GRM8: variants seen among roughly 807,000 people sequenced by gnomAD.
The protein encoded by GRM8 is glutamate metabotropic receptor 8.
Under a neutral mutation model 87.2 loss-of-function variants are expected in GRM8, and 47 were observed. That is an observed-to-expected ratio of 0.54 (90% CI 0.43 to 0.69). GRM8 has a LOEUF of 0.69. GRM8 is among the 30% of genes least tolerant of loss of function. The pLI is 0.00. For synonymous variants in GRM8, 396 were observed against 404.5 expected, an observed-to-expected ratio of 0.98 and a Z score of 0.25; for missense variants, 1,019 against 1,139.2, an observed-to-expected ratio of 0.89 and a Z score of 1.52.
intron 9 of GRM8, among the ~76,000 whole-genome samples, chr7:126,457,077 CTG>C (rs1584674227): frequency 6.6e-6 from 1 of 150,790 alleles, no homozygotes; most frequent in Non-Finnish European, 1.5e-5. Context: ...GTGTGTGTGC[CTG>C]TGTGTGTGTG....
intron 3 of GRM8, among the ~76,000 whole-genome samples, chr7:126,945,063 G>A (rs1340994189): frequency 6.6e-6 from 1 of 152,098 alleles, no homozygotes; most frequent in Admixed American, 6.6e-5. Context: ...AAAATATCTA[G>A]TAAAGGTGAA....
At chr7:127,138,325 A>G (rs560304119) in intron 2 of GRM8, among the ~76,000 whole-genome samples, 1 of 152,204 alleles carries the variant, frequency 6.6e-6, no homozygotes, top group Admixed American at 6.5e-5. Flanking sequence ...CCCTATACAC[A>G]TCATCTCTTA....
intron 6 of GRM8, among the ~76,000 whole-genome samples, chr7:126,838,058 C>A (rs752300242): frequency 1.2e-4 from 19 of 152,174 alleles, no homozygotes; most frequent in Non-Finnish European, 2.6e-4. Context: ...GTCTGAAAAT[C>A]TTGATAGATA....
chr7:126,947,841 C>T (rs1193152655), intron 3 of GRM8, among the ~76,000 whole-genome samples: 1 of 152,122 alleles, frequency 6.6e-6, no homozygotes, highest in Admixed American at 6.5e-5. Flanking sequence ...ATTGGAGACT[C>T]CTTAATACCT....
chr7:126,577,510 T>G lies in GRM8; in HGVS notation c.1494+31852A>C, dbSNP rs1795223094. Among the ~76,000 whole-genome samples the G allele has an allele frequency of 2.0e-5, 3 of 152,124 alleles. No individual in the cohort carries two copies. The South Asian group carries it at 6.2e-4, about 32-fold the overall frequency. On this transcript the variant is annotated intron_variant, in intron 8 of 10. Coordinates refer to ENST00000339582, the MANE Select transcript of GRM8 (RefSeq NM_000845.3). The stretch of plus-strand genomic sequence containing the variant: ...ACAAATTTCTGTGAAATTTCCAAAG[T>G]GTAAAACACTATGAAGTTCTACTCT...
At chr7:126,932,118 C>T (rs936778747) in intron 3 of GRM8, among the ~76,000 whole-genome samples, 22 of 151,990 alleles carry the variant, frequency 1.4e-4, no homozygotes, top group African/African-American at 5.3e-4. Flanking sequence ...TAAAAGATGG[C>T]CATAAATGAT....
At chr7:126,528,575 A>G (rs1029170120) in intron 9 of GRM8, among the ~76,000 whole-genome samples, 1 of 151,896 alleles carries the variant, frequency 6.6e-6, no homozygotes, top group Non-Finnish European at 1.5e-5. Context: ...AATATGAGTT[A>G]TTAGTACAAA....
At chr7:126,488,964 A>T (rs963767006) in intron 9 of GRM8, among the ~76,000 whole-genome samples, 6 of 151,776 alleles carry the variant, frequency 4.0e-5, no homozygotes, top group Non-Finnish European at 4.4e-5. Context: ...TAACTAATAT[A>T]TATCAAATAT....
intron 7 of GRM8, among the ~76,000 whole-genome samples, chr7:126,701,450 C>T (rs150366151): frequency 6.2e-4 from 94 of 152,256 alleles, no homozygotes; most frequent in African/African-American, 2.1e-3. Flanking sequence ...TCTAACCATG[C>T]GCCATACTCA....
At chr7:127,251,427 T>C (rs376296780) in intron 1 of GRM8, among the ~76,000 whole-genome samples, 10 of 152,182 alleles carry the variant, frequency 6.6e-5, no homozygotes, top group African/African-American at 2.4e-4. Context: ...CGGATGGGCT[T>C]CGCGCTTGGC....
chr7:126,736,944 A>C (rs1246038654), intron 7 of GRM8, among the ~76,000 whole-genome samples: 1 of 151,880 alleles, frequency 6.6e-6, no homozygotes, highest in Admixed American at 6.6e-5. Flanking sequence ...GACCTAACGA[A>C]CTCCATCTTG....
intron 9 of GRM8, among the ~76,000 whole-genome samples, chr7:126,463,934 A>T (rs1030517906): frequency 2.0e-5 from 3 of 151,742 alleles, no homozygotes; most frequent in Non-Finnish European, 4.4e-5. Context: ...TTATATATAT[A>T]CATTTTTATT....
chr7:127,067,840 T>C lies in GRM8; in HGVS notation c.727+38656A>G, dbSNP rs17866776. The stretch of plus-strand genomic sequence containing the variant: ...AATCTTCATTTTCATCTTATTATTA[T>C]TATTTAAATTTTTTACTTACAAATA... On this transcript the variant is annotated intron_variant, in intron 3 of 10. Transcript: ENST00000339582. 9.9e-4 allele frequency among the ~76,000 whole-genome samples: 151 copies of C among 152,298 alleles called. 1 individual carries two copies. Among genetic ancestry groups the C allele is most frequent in the African/African-American group, 3.5e-3 (146 of 41,570 alleles).
intron 3 of GRM8, among the ~76,000 whole-genome samples, chr7:127,018,244 G>A (rs1200486296): frequency 1.3e-5 from 2 of 151,942 alleles, no homozygotes; most frequent in Non-Finnish European, 2.9e-5. Context: ...GAGTGTTAGA[G>A]AAAGTTACAC....
intron 2 of GRM8, among the ~76,000 whole-genome samples, chr7:127,195,276 T>C (rs1318964083): frequency 6.6e-6 from 1 of 152,226 alleles, no homozygotes; most frequent in Non-Finnish European, 1.5e-5. Context: ...TTACACCATT[T>C]AATTTTATAT....
At chr7:126,917,476 A>T (rs1804037757) in intron 3 of GRM8, among the ~76,000 whole-genome samples, 1 of 152,146 alleles carries the variant, frequency 6.6e-6, no homozygotes, top group East Asian at 1.9e-4. Flanking sequence ...ATCGCAAATA[A>T]TAATATATTT....
At chr7:127,117,805 A>G (rs553332359) in intron 2 of GRM8, among the ~76,000 whole-genome samples, 1 of 152,232 alleles carries the variant, frequency 6.6e-6, no homozygotes, top group African/African-American at 2.4e-5. Flanking sequence ...CTGTGGTTCA[A>G]TTTTTCCCCC....
intron 9 of GRM8, among the ~76,000 whole-genome samples, chr7:126,500,994 A>T (rs1024029898): frequency 1.3e-5 from 2 of 152,038 alleles, no homozygotes; most frequent in African/African-American, 4.8e-5. Flanking sequence ...ATTTTAGAAC[A>T]GTCCTTTATT....
At chr7:126,812,965 T>C (rs1793438488) in intron 6 of GRM8, among the ~76,000 whole-genome samples, 1 of 152,010 alleles carries the variant, frequency 6.6e-6, no homozygotes, top group South Asian at 2.1e-4. Flanking sequence ...CTATTGTGAA[T>C]AGTGCTGCAG....
Sources: gnomAD v4.1 joint callset for allele counts (sites outside exome capture counted in the v4.1 genomes callset) on GRCh38, gnomAD v4.1.1 for gene constraint, MANE v1.5 for transcripts, NCBI Gene and HGNC (gene_info 2026-07-23, HGNC 2026-07-21) for gene names.